Variants in CASZ1 observed in about 807,000 individuals in gnomAD.
CASZ1 encodes the protein zinc finger protein castor homolog 1.
A neutral mutation model predicts 135.2 loss-of-function variants in CASZ1; 28 were observed. The observed-to-expected ratio is 0.21, with a 90% CI of 0.15 to 0.28. The LOEUF (loss-of-function observed/expected upper bound fraction) is 0.28. CASZ1 is among the 10% of genes least tolerant of loss of function. The probability of loss-of-function intolerance (pLI) is 1.00; values close to 1 mark genes in which losing one functional copy is unlikely to be tolerated. For missense variants in CASZ1, 2,161 were observed against 2,453.3 expected (o/e 0.88, Z 2.52); for synonymous variants, 1,068 against 1,073.4 (o/e 0.99, Z 0.10).
rs572497458 is a variant in CASZ1, at chr1:10,691,847, G to A, written c.16+2027C>T. Among the ~76,000 whole-genome samples the A allele has an allele frequency of 5.3e-5, 8 of 152,326 alleles. No homozygotes were observed. In the South Asian group the frequency reaches 1.5e-3, roughly 28 times the overall value. On this transcript the variant is annotated intron_variant, in intron 4 of 20. Transcript: ENST00000377022. ...AAGTGAAACTTCCAAGTTCAAAGAA[G>A]AGACTGAGATGGTATCACCAGATGA...
At position 10,755,718 on chromosome 1, in the gene CASZ1, A is replaced by G. The variant is rs1640240707; in HGVS notation, c.-77+4983T>C. On this transcript the variant is annotated intron_variant, in intron 2 of 20. Transcript: ENST00000377022. This position sits in a 1 kb window ranked among gnomAD's most constrained non-coding sequence, Gnocchi z 4.3. ...CAGGTGGAACACTTGCCCAGATGAG[A>G]AATCAGGAAGATCAATAACTCTTCC... Among the ~76,000 whole-genome samples the G allele has an allele frequency of 6.6e-6, 1 of 152,064 alleles. No individual in the cohort carries two copies. The highest frequency in any genetic ancestry group is 2.4e-5 in the African/African-American group (1 of 41,380).
At position 10,788,382 on chromosome 1, in the gene CASZ1, GC is replaced by G. The variant is rs1175713130; in HGVS notation, c.-234+8181del. On this transcript the variant is annotated intron_variant, in intron 1 of 20. Transcript: ENST00000377022. The surrounding 1 kb of genome is among the most constrained non-coding windows in gnomAD (Gnocchi z 4.1). ...GGACCGATCTTGCCTCCTCCCTCCTGCCCCCCTGCCTCATCCTGGAGAATTG... is the reference window on the plus strand; with the variant it reads ...GGACCGATCTTGCCTCCTCCCTCCTGCCCCCTGCCTCATCCTGGAGAATTG... Among the ~76,000 whole-genome samples, 1 of 152,126 alleles carries G rather than the reference GC, an allele frequency of 6.6e-6. No individual in the cohort carries two copies. The highest frequency in any genetic ancestry group is 1.5e-5 in the Non-Finnish European group (1 of 68,002).
intron 1 of CASZ1, among the ~76,000 whole-genome samples, chr1:10,770,096 T>C (rs982730112): frequency 2.0e-5 from 3 of 152,160 alleles, no homozygotes; most frequent in African/African-American, 7.2e-5. Flanking sequence ...CTTTTCTTTC[T>C]TTTTTTGAGA....
chr1:10,718,332 C>A lies in CASZ1; in HGVS notation c.-76-12788G>T, dbSNP rs190821638. Among the ~76,000 whole-genome samples, 7 of 152,384 alleles carry A rather than the reference C, an allele frequency of 4.6e-5. No homozygotes were observed. In the South Asian group the frequency reaches 1.4e-3, roughly 32 times the overall value. On this transcript the variant is annotated intron_variant, in intron 2 of 20. Coordinates refer to ENST00000377022, the MANE Select transcript of CASZ1 (RefSeq NM_001079843.3). ...GCAGCCCAGGCCCTGCGCCCACACA[C>A]AGCCTGTTGGTTGAGGAATCAAATT...
In CASZ1 at chr1:10,694,905, G is replaced by C. The variant is rs1238812076; in HGVS notation, c.-23-993C>G. ...TTGCCGGCCGCCGGCGGCCGCGCGC[G>C]CGCTCGCATGCTGCCAGCGGCCGCT... On this transcript the variant is annotated intron_variant, in intron 3 of 20. Coordinates refer to ENST00000377022, the MANE Select transcript of CASZ1 (RefSeq NM_001079843.3). The surrounding 1 kb of genome is among the most constrained non-coding windows in gnomAD (Gnocchi z 6.6). 7.0e-6 allele frequency among the ~76,000 whole-genome samples: 1 copy of C among 143,534 alleles called. No homozygotes were observed. Among genetic ancestry groups the C allele is most frequent in the Middle Eastern group, 3.3e-3 (1 of 304 alleles). 94.2% of individuals were successfully genotyped at this position (143,534 alleles called of 152,430 possible). A position where few individuals can be genotyped will look rare whatever the true frequency, so the allele number is the denominator to read the frequency against.
Position 10,666,007 on chromosome 1 carries a change from G to A in CASZ1, c.17-436C>T, listed in dbSNP as rs1643222571. 6.6e-6 allele frequency among the ~76,000 whole-genome samples: 1 copy of A among 152,162 alleles called. No individual in the cohort carries two copies. The highest frequency in any genetic ancestry group is 2.4e-5 in the African/African-American group (1 of 41,432). On this transcript the variant is annotated intron_variant, in intron 4 of 20. Coordinates refer to ENST00000377022, the MANE Select transcript of CASZ1 (RefSeq NM_001079843.3). This position sits in a 1 kb window ranked among gnomAD's most constrained non-coding sequence, Gnocchi z 5.2. Reference sequence around the variant, plus strand: ...GGTCAGGCTGTCAAGGGACAGCGTGGCATTCCTGGCAGCTTGTTCCGCTTG... The same window carrying A: ...GGTCAGGCTGTCAAGGGACAGCGTGACATTCCTGGCAGCTTGTTCCGCTTG...
In CASZ1 at chr1:10,679,175, C is replaced by A. The variant is rs1638334310; in HGVS notation, c.17-13604G>T. The stretch of plus-strand genomic sequence containing the variant: ...GACTGCAGGGCTGGCACAGAGCTCT[C>A]CGCCAGGGCCTGCTGCTTTTGATGA... On this transcript the variant is annotated intron_variant, in intron 4 of 20. Transcript: ENST00000377022. This position sits in a 1 kb window ranked among gnomAD's most constrained non-coding sequence, Gnocchi z 4.7. Among the ~76,000 whole-genome samples, 1 of 152,234 alleles carries A rather than the reference C, an allele frequency of 6.6e-6. No individual in the cohort carries two copies. The highest frequency in any genetic ancestry group is 1.5e-5 in the Non-Finnish European group (1 of 68,038).
At position 10,637,985 on chromosome 1, in the gene CASZ1, A is replaced by G. The variant is rs1486638504; in HGVS notation, c.*957T>C. The stretch of plus-strand genomic sequence containing the variant: ...AGCTCCCATCAGTGCTATTGTGAAG[A>G]CAGACAGCCTCAAACAGTTAAGGCC... On this transcript the variant is annotated 3_prime_UTR_variant, in exon 21 of 21. Coordinates refer to ENST00000377022, the MANE Select transcript of CASZ1 (RefSeq NM_001079843.3). 2 of 152,456 alleles carry G rather than the reference A, an allele frequency of 1.3e-5. No homozygotes were observed. Among genetic ancestry groups the G allele is most frequent in the Non-Finnish European group, 2.9e-5 (2 of 68,052 alleles). 9.4% of individuals were successfully genotyped at this position (152,456 alleles called of 1,614,324 possible).
In CASZ1 at chr1:10,720,676, C is replaced by T. The variant is rs951190493; in HGVS notation, c.-76-15132G>A. ...TACATGTGATAATGACTCCAGGCTT[C>T]GCTTCTGCTGCCCCCAGAAAACTTT... On this transcript the variant is annotated intron_variant, in intron 2 of 20. Transcript: ENST00000377022. The surrounding 1 kb of genome is among the most constrained non-coding windows in gnomAD (Gnocchi z 5.7). 3.9e-5 allele frequency among the ~76,000 whole-genome samples: 6 copies of T among 152,192 alleles called. No homozygotes were observed. Among genetic ancestry groups the T allele is most frequent in the Non-Finnish European group, 8.8e-5 (6 of 68,034 alleles).
At chr1:10,690,506 C>G (rs1383083240) in intron 4 of CASZ1, among the ~76,000 whole-genome samples, 7 of 152,222 alleles carry the variant, frequency 4.6e-5, no homozygotes, top group Non-Finnish European at 1.5e-5. Context: ...CTGGCCTCCC[C>G]ACAGTTGAGG....
Position 10,759,867 on chromosome 1 carries a change from C to T in CASZ1, c.-77+834G>A, listed in dbSNP as rs1640336537. 6.6e-6 allele frequency among the ~76,000 whole-genome samples: 1 copy of T among 152,198 alleles called. No homozygotes were observed. Among genetic ancestry groups the T allele is most frequent in the African/African-American group, 2.4e-5 (1 of 41,430 alleles). ...TAGGCCCTCAGCCTCTGCTTCCACC[C>T]CTAGACCTTGCCCGTGAACTTCGCA... On this transcript the variant is annotated intron_variant, in intron 2 of 20. Transcript: ENST00000377022. The surrounding 1 kb of genome is among the most constrained non-coding windows in gnomAD (Gnocchi z 4.2).
rs190392010 is a variant in CASZ1, at chr1:10,745,148, T to C, written c.-77+15553A>G. Among the ~76,000 whole-genome samples, 6 of 152,264 alleles carry C rather than the reference T, an allele frequency of 3.9e-5. No individual in the cohort carries two copies. In the East Asian group the frequency reaches 1.2e-3, roughly 29 times the overall value. ...ACTGGGAGGACCGATCCCCAAAAGC[T>C]TCACCCTCTGCCCCAAGGAAACAGA... On this transcript the variant is annotated intron_variant, in intron 2 of 20. Coordinates refer to ENST00000377022, the MANE Select transcript of CASZ1 (RefSeq NM_001079843.3).
chr1:10,667,193 C>T (rs976053082), intron 4 of CASZ1, among the ~76,000 whole-genome samples: 6 of 152,228 alleles, frequency 3.9e-5, no homozygotes, highest in Admixed American at 1.3e-4. Context: ...TTGACTCATA[C>T]GCACAGATAA....
At chr1:10,674,904 T>C in intron 4 of CASZ1, among the ~76,000 whole-genome samples, 1 of 152,196 alleles carries the variant, frequency 6.6e-6, no homozygotes, top group East Asian at 1.9e-4. Flanking sequence ...AAGGTCCCCA[T>C]GGGTCCCTGG....
At chr1:10,737,455 C>T (rs550727706) in intron 2 of CASZ1, among the ~76,000 whole-genome samples, 2 of 152,352 alleles carry the variant, frequency 1.3e-5, no homozygotes, top group Admixed American at 6.5e-5. Context: ...CTGGCTGCCC[C>T]GCTGGAGGGC....
Position 10,701,546 on chromosome 1 carries a change from CAGA to C in CASZ1, c.-24+3943_-24+3945del, listed in dbSNP as rs1385519862. Among the ~76,000 whole-genome samples, 1 of 152,062 alleles carries C rather than the reference CAGA, an allele frequency of 6.6e-6. No homozygotes were observed. Among genetic ancestry groups the C allele is most frequent in the Non-Finnish European group, 1.5e-5 (1 of 68,006 alleles). On this transcript the variant is annotated intron_variant, in intron 3 of 20. Coordinates refer to ENST00000377022, the MANE Select transcript of CASZ1 (RefSeq NM_001079843.3). This position sits in a 1 kb window ranked among gnomAD's most constrained non-coding sequence, Gnocchi z 6.3. ...GTGATGGGAGGAGGGGGGGCGCGGT[CAGA>C]AGAAGGAGATAACGGGCAAAGGGCT... is the stretch of plus-strand genomic sequence containing the variant.
In CASZ1 at chr1:10,666,170, C is replaced by T. The variant is rs1396939568; in HGVS notation, c.17-599G>A. Among the ~76,000 whole-genome samples, 1 of 152,176 alleles carries T rather than the reference C, an allele frequency of 6.6e-6. No homozygotes were observed. The highest frequency in any genetic ancestry group is 1.5e-5 in the Non-Finnish European group (1 of 68,018). On this transcript the variant is annotated intron_variant, in intron 4 of 20. Transcript: ENST00000377022. The surrounding 1 kb of genome is among the most constrained non-coding windows in gnomAD (Gnocchi z 5.2). ...ACCCGAGCACGTCAGCCCCTGGCGG[C>T]TCCTCTGCCAGGCCAGGTCCCTGGG...
At chr1:10,708,524 TG>T (rs1161552283) in intron 2 of CASZ1, among the ~76,000 whole-genome samples, 1 of 152,218 alleles carries the variant, frequency 6.6e-6, no homozygotes, top group Non-Finnish European at 1.5e-5. Flanking sequence ...GCAAAGAGCC[TG>T]GTGCCTTCTT....
chr1:10,668,112 G>A (rs889091747), intron 4 of CASZ1, among the ~76,000 whole-genome samples: 11 of 152,186 alleles, frequency 7.2e-5, no homozygotes, highest in Non-Finnish European at 1.3e-4. Flanking sequence ...AGGGGCAGGA[G>A]GCAGAGGTAG....
Sources: gnomAD v4.1 joint callset for allele counts (sites outside exome capture counted in the v4.1 genomes callset) on GRCh38, gnomAD v4.1.1 for gene constraint, Gnocchi (gnomAD v3.1) non-coding constraint, MANE v1.5 for transcripts, NCBI Gene and HGNC (gene_info 2026-07-23, HGNC 2026-07-21) for gene names.